The following PATJ variants were observed in gnomAD, a reference collection of about 807,000 sequenced individuals.
PATJ encodes PATJ crumbs cell polarity complex component.
Under a neutral mutation model 224.9 loss-of-function variants are expected in PATJ, and 190 were observed. The ratio of observed to expected loss-of-function variants is 0.84; its 90% CI spans 0.75 to 0.95. The LOEUF (loss-of-function observed/expected upper bound fraction) is 0.95, where lower values mean the gene tolerates loss of function less well. Ranked by LOEUF, PATJ falls within the 40% of genes least tolerant of loss-of-function variation. The probability of loss-of-function intolerance (pLI) is 0.00; values close to 1 mark genes in which losing one functional copy is unlikely to be tolerated. For synonymous variants in PATJ, 769 were observed against 820.3 expected, an observed-to-expected ratio of 0.94 and a Z score of 1.07; for missense variants, 2,121 against 2,270.3, an observed-to-expected ratio of 0.93 and a Z score of 1.34.
At chr1:62,022,295 G>C (rs1035171846) in intron 29 of PATJ, among the ~76,000 whole-genome samples, 1 of 152,132 alleles carries the variant, frequency 6.6e-6, no homozygotes, top group African/African-American at 2.4e-5. Context: ...AAATCAGCAA[G>C]TTGCAGCTAT....
intron 27 of PATJ, among the ~76,000 whole-genome samples, 154 bp from the exon 28 acceptor site, chr1:61,990,014 G>A (rs1644972397): frequency 6.6e-6 from 1 of 152,072 alleles, no homozygotes; most frequent in South Asian, 2.1e-4. Flanking sequence ...AGCCACTGCA[G>A]CACTCCAGTC....
chr1:62,056,441 T>G (rs1321871668), intron 31 of PATJ, among the ~76,000 whole-genome samples: 1 of 151,980 alleles, frequency 6.6e-6, no homozygotes, highest in African/African-American at 2.4e-5. Flanking sequence ...AGTGGGAGGA[T>G]TAATTGAGGC....
At chr1:61,770,562 C>A (rs1443062260) in intron 5 of PATJ, among the ~76,000 whole-genome samples, 2 of 152,120 alleles carry the variant, frequency 1.3e-5, no homozygotes, top group African/African-American at 4.8e-5. Flanking sequence ...TACTATTTTT[C>A]TTTAGAGATT....
intron 29 of PATJ, among the ~76,000 whole-genome samples, chr1:62,034,696 G>A (rs1415096864): frequency 6.6e-6 from 1 of 152,144 alleles, no homozygotes; most frequent in African/African-American, 2.4e-5. Context: ...AAAGGATTAT[G>A]AACTGTAACT....
intron 30 of PATJ, among the ~76,000 whole-genome samples, chr1:62,043,514 G>A (rs975920749): frequency 2.0e-5 from 3 of 152,096 alleles, no homozygotes; most frequent in Non-Finnish European, 4.4e-5. Flanking sequence ...AAAAGGCTTA[G>A]CACTATTCCT....
intron 27 of PATJ, among the ~76,000 whole-genome samples, chr1:61,938,309 T>G (rs528911786): frequency 6.6e-6 from 1 of 152,220 alleles, no homozygotes; most frequent in East Asian, 1.9e-4. Context: ...TTGTCCAGAG[T>G]GCTAGTATTG....
chr1:62,051,107 C>A, intron 31 of PATJ, 49 bp downstream of exon 31: 3 of 1,356,658 alleles, frequency 2.2e-6, no homozygotes, highest in Non-Finnish European at 2.1e-6. Context: ...AGGGATGTAT[C>A]ACTTATATTT....
intron 7 of PATJ, among the ~76,000 whole-genome samples, chr1:61,776,947 G>A (rs940248994): frequency 3.9e-5 from 6 of 152,160 alleles, no homozygotes; most frequent in South Asian, 2.1e-4. Context: ...TGATGGTCTC[G>A]ATCTCCTGAC....
intron 19 of PATJ, among the ~76,000 whole-genome samples, chr1:61,863,062 AT>A (rs1290801220): frequency 1.1e-5 from 1 of 88,878 alleles, no homozygotes; most frequent in African/African-American, 4.5e-5. Flanking sequence ...TTGAGATGGT[AT>A]CTTGCTCTGT....
In PATJ at chr1:61,927,760, C is replaced by T. The variant is rs779707077; in HGVS notation, c.3601C>T (p.Leu1201Phe). The change falls in exon 27 of 44, where the codon CTT becomes TTT. Residue 1201 changes from leucine (L) to phenylalanine (F), a missense_variant. Leu to Phe is a conservative substitution (Grantham distance 22, BLOSUM62 0). Transcript: ENST00000642238. ...RQGTAPPPMK[L>F]PPPYKALTDD... The stretch of plus-strand genomic sequence containing the variant: ...AGGAACTGCTCCACCGCCAATGAAA[C>T]TTCCTCCTCCTTATAAAGCTCTGAC... The T allele has an allele frequency of 9.9e-6, 16 of 1,613,392 alleles. No homozygotes were observed. Among genetic ancestry groups the T allele is most frequent in the Non-Finnish European group, 1.4e-5 (16 of 1,179,720 alleles).
chr1:61,849,790 G>A (rs1662528178), intron 17 of PATJ, among the ~76,000 whole-genome samples: 1 of 152,088 alleles, frequency 6.6e-6, no homozygotes, highest in Non-Finnish European at 1.5e-5. Flanking sequence ...AAAAGTTTGA[G>A]TGTTACATAC....
At chr1:61,969,134 T>C (rs2990509) in intron 27 of PATJ, among the ~76,000 whole-genome samples, 1 of 152,242 alleles carries the variant, frequency 6.6e-6, no homozygotes, top group African/African-American at 2.4e-5. Context: ...CATCTGATGG[T>C]TGACCTTTGA....
chr1:62,008,469 A>G (rs1316384546), intron 28 of PATJ, among the ~76,000 whole-genome samples: 1 of 152,226 alleles, frequency 6.6e-6, no homozygotes, highest in Non-Finnish European at 1.5e-5. Context: ...CAAACTGGGT[A>G]ACTACTAATC....
At position 61,795,449 on chromosome 1, in the gene PATJ, A is replaced by T. The variant is rs201253441; in HGVS notation, c.1169-18A>T. 96 of 1,473,930 alleles carry T rather than the reference A, an allele frequency of 6.5e-5. No individual in the cohort carries two copies. The Middle Eastern group carries it at 8.9e-4, about 14-fold the overall frequency. The allele number at this position is 1,473,930 out of a possible 1,614,324, so 91.3% of individuals were successfully genotyped here. A position where few individuals can be genotyped will look rare whatever the true frequency, so the allele number is the denominator to read the frequency against. On this transcript the variant is annotated intron_variant, in intron 9 of 43. Transcript: ENST00000642238. ...ATTAGAATTTTCTTCCTTTTTCCGT[A>T]TGTCTGTGCACCTTAAGGGGAAGCT...
intron 27 of PATJ, among the ~76,000 whole-genome samples, chr1:61,946,612 A>G (rs1678759438): frequency 6.6e-6 from 1 of 152,204 alleles, no homozygotes. Context: ...GACCAGACGG[A>G]TTCACAGCCG....
intron 27 of PATJ, among the ~76,000 whole-genome samples, chr1:61,932,880 C>T (rs1177517861): frequency 6.6e-6 from 1 of 152,096 alleles, no homozygotes; most frequent in Non-Finnish European, 1.5e-5. Flanking sequence ...GCCTAGGCAA[C>T]AGAGGAAGGC....
intron 27 of PATJ, among the ~76,000 whole-genome samples, chr1:61,970,797 A>C (rs1201505694): frequency 6.6e-6 from 1 of 152,138 alleles, no homozygotes; most frequent in Non-Finnish European, 1.5e-5. Context: ...CTGGCCACTC[A>C]AGAGGTTAAC....
chr1:61,742,783 T>A (rs1644825497), intron 1 of PATJ, among the ~76,000 whole-genome samples: 1 of 150,242 alleles, frequency 6.7e-6, no homozygotes, highest in Non-Finnish European at 1.5e-5. Context: ...GCGTCCGCGC[T>A]GACCCGGGAG....
chr1:61,797,862 G>A (rs1024611743), intron 11 of PATJ, among the ~76,000 whole-genome samples: 4 of 151,908 alleles, frequency 2.6e-5, no homozygotes, highest in Non-Finnish European at 4.4e-5. Context: ...GAGTGCAGTG[G>A]CACGATCTTG....
Sources: allele counts gnomAD v4.1 joint callset (sites outside exome capture counted in the v4.1 genomes callset), GRCh38; gene constraint gnomAD v4.1.1; transcripts MANE v1.5; gene names NCBI Gene and HGNC (gene_info 2026-07-23, HGNC 2026-07-21).